Variants in GABBR2 observed in about 807,000 individuals in gnomAD.
GABBR2 encodes the protein G-protein coupled receptor 51.
In GABBR2, 23 loss-of-function variants were observed where a neutral mutation model predicts 105.6. The observed-to-expected ratio is 0.22, with a 90% CI of 0.16 to 0.31. GABBR2 has a LOEUF of 0.31. Ranked by LOEUF, GABBR2 falls within the 10% of genes least tolerant of loss-of-function variation. The pLI is 1.00. For missense variants in GABBR2, 734 were observed against 1,245.5 expected (o/e 0.59, Z 6.18); for synonymous variants, 478 against 499.7 (o/e 0.96, Z 0.58).
chr9:98,308,498 G>GAAA (rs745738741), intron 14 of GABBR2, among the ~76,000 whole-genome samples: 1 of 152,158 alleles, frequency 6.6e-6, no homozygotes, highest in African/African-American at 2.4e-5. Flanking sequence ...ACCTTATTTG[G>GAAA]AAAAAGGGTA....
At chr9:98,504,705 C>T (rs973609545) in intron 3 of GABBR2, among the ~76,000 whole-genome samples, 8 of 152,170 alleles carry the variant, frequency 5.3e-5, no homozygotes, top group African/African-American at 1.9e-4. Flanking sequence ...TACTTCTATT[C>T]ATTCATGAAA....
At chr9:98,530,716 T>G (rs1389278270) in intron 3 of GABBR2, among the ~76,000 whole-genome samples, 2 of 152,132 alleles carry the variant, frequency 1.3e-5, no homozygotes, top group Non-Finnish European at 1.5e-5. Flanking sequence ...CCCAGGAGTT[T>G]GAGGCTGCAG....
At chr9:98,372,872 A>G (rs2131465231) in intron 11 of GABBR2, among the ~76,000 whole-genome samples, 1 of 152,374 alleles carries the variant, frequency 6.6e-6, no homozygotes, top group South Asian at 2.1e-4. Flanking sequence ...GGACAACAGT[A>G]TCACAGCGCT....
chr9:98,507,691 C>G (rs1157571157), intron 3 of GABBR2, among the ~76,000 whole-genome samples: 1 of 152,200 alleles, frequency 6.6e-6, no homozygotes, highest in Non-Finnish European at 1.5e-5. Flanking sequence ...TGAAGCCTTC[C>G]CTTGTTCCCA....
chr9:98,352,231 T>C (rs1209486774), intron 13 of GABBR2, among the ~76,000 whole-genome samples: 1 of 152,176 alleles, frequency 6.6e-6, no homozygotes, highest in Admixed American at 6.5e-5. Flanking sequence ...GGGGCACTGG[T>C]GGTGGCAGTT....
At chr9:98,538,089 G>A (rs1828216094) in intron 3 of GABBR2, among the ~76,000 whole-genome samples, 1 of 152,216 alleles carries the variant, frequency 6.6e-6, no homozygotes, top group African/African-American at 2.4e-5. Context: ...AATCACTGGA[G>A]AAGCAAATGG....
intron 1 of GABBR2, among the ~76,000 whole-genome samples, chr9:98,675,037 A>G (rs1413157023): frequency 6.6e-6 from 1 of 152,196 alleles, no homozygotes. Context: ...ACTGAGGTTC[A>G]CAGGAAGCAT....
intron 8 of GABBR2, among the ~76,000 whole-genome samples, chr9:98,403,750 A>C (rs1832439772): frequency 7.0e-6 from 1 of 142,684 alleles, no homozygotes; most frequent in Admixed American, 6.9e-5. Flanking sequence ...TGCTGAGAAA[A>C]AAAAAAATAT....
chr9:98,302,241 C>A (rs192760114), intron 16 of GABBR2, among the ~76,000 whole-genome samples: 6 of 152,274 alleles, frequency 3.9e-5, no homozygotes, highest in African/African-American at 2.4e-5. Context: ...AGGGCAGAAC[C>A]AAAATATGCA....
At chr9:98,554,942 T>G (rs371787896) in intron 2 of GABBR2, among the ~76,000 whole-genome samples, 29 of 152,294 alleles carry the variant, frequency 1.9e-4, no homozygotes, top group African/African-American at 7.0e-4. Flanking sequence ...ACAGGCTGTG[T>G]CTGAATGCCA....
intron 13 of GABBR2, among the ~76,000 whole-genome samples, chr9:98,348,477 T>C (rs1036249795): frequency 3.3e-5 from 5 of 152,250 alleles, no homozygotes; most frequent in African/African-American, 7.2e-5. Flanking sequence ...AAGAATGTCA[T>C]TGACCTTTTG....
intron 1 of GABBR2, among the ~76,000 whole-genome samples, chr9:98,687,220 GATTTACAGC>G (rs1251212529): frequency 6.6e-6 from 1 of 151,556 alleles, no homozygotes; most frequent in Non-Finnish European, 1.5e-5. Flanking sequence ...GGCATGTGGG[GATTTACAGC>G]CAAGGGGCAG....
chr9:98,518,499 T>C (rs1287066778), intron 3 of GABBR2, among the ~76,000 whole-genome samples: 1 of 152,188 alleles, frequency 6.6e-6, no homozygotes, highest in Non-Finnish European at 1.5e-5. Flanking sequence ...TTAAGCCCTA[T>C]GGTAAATAGC....
chr9:98,508,445 C>T (rs1054619313), intron 3 of GABBR2, among the ~76,000 whole-genome samples: 10 of 152,342 alleles, frequency 6.6e-5, no homozygotes, highest in Admixed American at 2.0e-4. Flanking sequence ...GCACCGTGCG[C>T]GAGCCAAAGC....
At chr9:98,417,691 G>A (rs367638133) in intron 7 of GABBR2, among the ~76,000 whole-genome samples, 15 of 152,246 alleles carry the variant, frequency 9.9e-5, no homozygotes, top group East Asian at 9.7e-4. Context: ...AGACAAAATC[G>A]TTGTCTTCTA....
chr9:98,482,995 G>C (rs76350915), intron 4 of GABBR2, among the ~76,000 whole-genome samples: 1 of 151,928 alleles, frequency 6.6e-6, no homozygotes, highest in Non-Finnish European at 1.5e-5. Context: ...ACTGTTCTCT[G>C]TGTGCTGTGG....
rs1255189345 is a variant in GABBR2, at chr9:98,340,086, G to A, written c.1893+22629C>T. ...TTCCCTTTGCCACCAGCTGTGTCCC[G>A]GGGTAGGACACCATGGTGGGGGAAA... On this transcript the variant is annotated intron_variant, in intron 13 of 18. Coordinates refer to ENST00000259455, the MANE Select transcript of GABBR2 (RefSeq NM_005458.8). 2.6e-5 allele frequency among the ~76,000 whole-genome samples: 4 copies of A among 152,042 alleles called. No individual in the cohort carries two copies. In the South Asian group the frequency reaches 8.3e-4, roughly 32 times the overall value.
chr9:98,392,382 C>T (rs1018674204), intron 9 of GABBR2, among the ~76,000 whole-genome samples: 2 of 152,210 alleles, frequency 1.3e-5, no homozygotes, highest in East Asian at 1.9e-4. Flanking sequence ...GCAGACATGC[C>T]GATCTTGGGG....
chr9:98,327,681 C>T (rs1370240529), intron 13 of GABBR2, among the ~76,000 whole-genome samples: 1 of 151,876 alleles, frequency 6.6e-6, no homozygotes, highest in Non-Finnish European at 1.5e-5. Flanking sequence ...CCAGCCTGGT[C>T]AACATGGTGA....
Sources: gnomAD v4.1 joint callset for allele counts (sites outside exome capture counted in the v4.1 genomes callset) on GRCh38, gnomAD v4.1.1 for gene constraint, MANE v1.5 for transcripts, NCBI Gene and HGNC (gene_info 2026-07-23, HGNC 2026-07-21) for gene names.